RYR3: variants seen among roughly 807,000 people sequenced by gnomAD.
RYR3 encodes ryanodine receptor 3.
Under a neutral mutation model 584.3 loss-of-function variants are expected in RYR3, and 207 were observed. The observed-to-expected ratio is 0.35, with a 90% CI of 0.32 to 0.40. The LOEUF is 0.40. Ranked by LOEUF, RYR3 falls within the 10% of genes least tolerant of loss-of-function variation. The probability of loss-of-function intolerance (pLI) is 1.00; values close to 1 mark genes in which losing one functional copy is unlikely to be tolerated. For missense variants in RYR3, 5,616 were observed against 6,089.2 expected (o/e 0.92, Z 2.59); for synonymous variants, 2,416 against 2,248.5 (o/e 1.07, Z -2.11).
intron 1 of RYR3, among the ~76,000 whole-genome samples, chr15:33,331,546 A>G (rs1970381233): frequency 6.6e-6 from 1 of 152,124 alleles, no homozygotes; most frequent in South Asian, 2.1e-4. Context: ...TTCTGTGATT[A>G]AAAAATGTAT....
chr15:33,322,774 G>C (rs1466858373), intron 1 of RYR3, among the ~76,000 whole-genome samples: 1 of 151,780 alleles, frequency 6.6e-6, no homozygotes, highest in Non-Finnish European at 1.5e-5. Flanking sequence ...TCTTAAAGTC[G>C]ATGGTTTCTC....
Position 33,412,558 on chromosome 15 carries a change from A to C in RYR3, c.52-60861A>C, listed in dbSNP as rs1227049714. Among the ~76,000 whole-genome samples, 1 of 152,112 alleles carries C rather than the reference A, an allele frequency of 6.6e-6. No homozygotes were observed. The highest frequency in any genetic ancestry group is 1.5e-5 in the Non-Finnish European group (1 of 68,026). ...TCTGGAGAAAGGAGAGGAGAGCCCC[A>C]CGGTTTCTCTTCTGGGTCTAGGGTT... On this transcript the variant is annotated intron_variant, in intron 1 of 103. Coordinates refer to ENST00000634891, the MANE Select transcript of RYR3 (RefSeq NM_001036.6). This position sits in a 1 kb window ranked among gnomAD's most constrained non-coding sequence, Gnocchi z 4.3.
intron 1 of RYR3, among the ~76,000 whole-genome samples, chr15:33,439,478 T>C (rs77819099): frequency 2.6e-4 from 39 of 152,342 alleles, no homozygotes; most frequent in Non-Finnish European, 5.0e-4. Flanking sequence ...CTCTATTTGA[T>C]TCAATTTGCC....
chr15:33,610,812 G>GAAGGTAAT (rs1312313967), intron 18 of RYR3, among the ~76,000 whole-genome samples: 1 of 152,158 alleles, frequency 6.6e-6, no homozygotes, highest in Non-Finnish European at 1.5e-5. Context: ...TACAAAGCCT[G>GAAGGTAAT]AAGGTAATTT....
Position 33,785,987 on chromosome 15 carries a change from C to T in RYR3, c.9589+5C>T, listed in dbSNP as rs73383308. On this transcript the variant is annotated splice_donor_5th_base_variant and intron_variant, in intron 66 of 103. Transcript: ENST00000634891. ...CCTGGATGAAGCGCATTGCAGGTAC[C>T]GACCCCTTTCTCCCCAGTCCCCAGC... 3.6e-4 allele frequency: 557 copies of T among 1,545,776 alleles called. 1 individual carries two copies. The highest frequency in any genetic ancestry group is 3.6e-3 in the African/African-American group (264 of 73,358).
At chr15:33,362,416 G>T (rs2676035) in intron 1 of RYR3, among the ~76,000 whole-genome samples, 78,205 of 149,128 alleles carry the variant, frequency 0.52, 20,548 homozygotes, top group East Asian at 0.66. Flanking sequence ...ATCATCATCA[G>T]CAGCAGCAGC....
Position 33,827,203 on chromosome 15 carries a change from T to C in RYR3, c.11250T>C (p.Phe3750=), listed in dbSNP as rs1159154599. The change falls in exon 85 of 104, where the codon TTT becomes TTC. Residue 3750 remains phenylalanine (F), a synonymous_variant. Coordinates refer to ENST00000634891, the MANE Select transcript of RYR3 (RefSeq NM_001036.6). ...QLLCEGHNSD[F]QNFLRTQMGN... ...ACCCAGCACTGGTGCTCTCAGACTT[T>C]CAGAACTTCCTGCGGACTCAGATGG... 6.4e-7 allele frequency: 1 copy of C among 1,551,842 alleles called. No homozygotes were observed. Among genetic ancestry groups the C allele is most frequent in the Non-Finnish European group, 8.7e-7 (1 of 1,147,080 alleles).
chr15:33,445,629 T>A (rs1359192716), intron 1 of RYR3, among the ~76,000 whole-genome samples: 1 of 146,976 alleles, frequency 6.8e-6, no homozygotes, highest in East Asian at 2.0e-4. Flanking sequence ...TCATCCCATT[T>A]TTCTACAAGA....
At position 33,740,002 on chromosome 15, in the gene RYR3, C is replaced by A. The variant is rs749413810; in HGVS notation, c.7820+7C>A. ...AACCTATTAACACCATGAAGTGAGT[C>A]CAGAATCATCTCTGAGCTGGTGCTG... On this transcript the variant is annotated splice_region_variant and intron_variant, in intron 51 of 103. Transcript: ENST00000634891. 8.1e-6 allele frequency: 13 copies of A among 1,612,972 alleles called. No homozygotes were observed. Among genetic ancestry groups the A allele is most frequent in the East Asian group, 6.7e-5 (3 of 44,868 alleles).
intron 64 of RYR3, among the ~76,000 whole-genome samples, chr15:33,778,201 A>C (rs758381986): frequency 6.6e-6 from 1 of 152,130 alleles, no homozygotes. Context: ...AAATAAAGCT[A>C]TCAGATTTGA....
chr15:33,768,583 C>T, intron 60 of RYR3, 75 bp from the exon 61 acceptor site: 1 of 1,246,660 alleles, frequency 8.0e-7, no homozygotes, highest in Non-Finnish European at 1.2e-6. Flanking sequence ...GTGTAAGGGA[C>T]ATTGGGGTGG....
At chr15:33,316,546 T>TA (rs1043593109) in intron 1 of RYR3, among the ~76,000 whole-genome samples, 69 of 151,376 alleles carry the variant, frequency 4.6e-4, no homozygotes, top group East Asian at 2.7e-3. Context: ...GCTGTAATAA[T>TA]AAAAAAAAAT....
chr15:33,827,676 G>T (rs796670345), intron 85 of RYR3, among the ~76,000 whole-genome samples: 2 of 152,324 alleles, frequency 1.3e-5, no homozygotes, highest in African/African-American at 4.8e-5. Context: ...ACAAGTTCGT[G>T]TTGAGAAGTC....
chr15:33,579,527 A>T (rs924423419), intron 12 of RYR3, among the ~76,000 whole-genome samples: 4 of 152,100 alleles, frequency 2.6e-5, no homozygotes, highest in South Asian at 2.1e-4. Context: ...TTTTATTTTA[A>T]AAAAAAATGT....
intron 65 of RYR3, among the ~76,000 whole-genome samples, chr15:33,784,385 C>A (rs1407199351): frequency 6.6e-6 from 1 of 152,204 alleles, no homozygotes; most frequent in Non-Finnish European, 1.5e-5. Flanking sequence ...ATGGTAATCC[C>A]AATGGCAAAG....
At chr15:33,816,657 A>G (rs992845124) in intron 74 of RYR3, among the ~76,000 whole-genome samples, 3 of 152,200 alleles carry the variant, frequency 2.0e-5, no homozygotes, top group Non-Finnish European at 4.4e-5. Context: ...CATTTTCAGA[A>G]GGTGCTCTAA....
intron 2 of RYR3, among the ~76,000 whole-genome samples, chr15:33,478,391 T>C (rs1309975064): frequency 6.6e-6 from 1 of 152,138 alleles, no homozygotes; most frequent in Non-Finnish European, 1.5e-5. Context: ...TAGGAACCAA[T>C]ATATCTGTAA....
chr15:33,858,177 T>C (rs928046393), intron 99 of RYR3: 3 of 410,762 alleles, frequency 7.3e-6, no homozygotes, highest in African/African-American at 5.9e-5. Context: ...GGCGTCATCA[T>C]TCATCTATTT....
At position 33,861,327 on chromosome 15, in the gene RYR3, G is replaced by A. The variant is rs114098112; in HGVS notation, c.14465+149G>A. 1.3e-3 allele frequency: 730 copies of A among 574,936 alleles called. 2 individuals are homozygous for A. In the African/African-American group the frequency reaches 0.013, roughly 10 times the overall value. The allele number at this position is 574,936 out of a possible 1,614,324, so 35.6% of individuals were successfully genotyped here. On this transcript the variant is annotated intron_variant, in intron 102 of 103. Transcript: ENST00000634891. ...GCCTGTACCTTTGTCCATAGACTCT[G>A]TCTCTCCCATGTGTGATAGACGTGT... is the stretch of plus-strand genomic sequence containing the variant.
Sources: gnomAD v4.1 joint callset for allele counts (sites outside exome capture counted in the v4.1 genomes callset) on GRCh38, gnomAD v4.1.1 for gene constraint, Gnocchi (gnomAD v3.1) non-coding constraint, MANE v1.5 for transcripts, NCBI Gene and HGNC (gene_info 2026-07-23, HGNC 2026-07-21) for gene names.